FAM118A: variants seen among roughly 807,000 people sequenced by gnomAD.
The protein encoded by FAM118A is protein FAM118A.
Under a neutral mutation model 38.2 loss-of-function variants are expected in FAM118A, and 25 were observed. The observed-to-expected ratio is 0.65, with a 90% CI of 0.48 to 0.91. The LOEUF (loss-of-function observed/expected upper bound fraction) is 0.91, where lower values mean the gene tolerates loss of function less well. Ranked by LOEUF, FAM118A falls within the 40% of genes least tolerant of loss-of-function variation. The pLI is 0.00. For missense variants in FAM118A, 425 were observed against 463.3 expected (o/e 0.92, Z 0.76); for synonymous variants, 178 against 184.1 (o/e 0.97, Z 0.27).
chr22:45,323,840 C>G (rs746014038), intron 3 of FAM118A, among the ~76,000 whole-genome samples: 3 of 152,200 alleles, frequency 2.0e-5, no homozygotes, highest in Non-Finnish European at 2.9e-5. Context: ...GTTCCAGCTT[C>G]TTTGTCTGCT....
At chr22:45,308,979 G>A (rs1009341866), upstream of FAM118A, 1 of 152,290 alleles carries the variant, frequency 6.6e-6, no homozygotes, top group Non-Finnish European at 1.5e-5. Flanking sequence ...GTCTTGTTTA[G>A]GTAAAAGACT....
At chr22:45,329,695 C>T (rs1445446243) in intron 4 of FAM118A, 2 of 152,394 alleles carry the variant, frequency 1.3e-5, no homozygotes, top group Non-Finnish European at 2.9e-5. Flanking sequence ...GCCAAGGCAC[C>T]CACTCCTGCC....
chr22:45,329,924 T>C (rs900384398), intron 4 of FAM118A: 1 of 152,276 alleles, frequency 6.6e-6, no homozygotes, highest in African/African-American at 2.4e-5. Context: ...CCGATGGGCA[T>C]CTTTGTAAGG....
intron 1 of FAM118A, among the ~76,000 whole-genome samples, chr22:45,318,001 C>A (rs2084682821): frequency 6.6e-6 from 1 of 152,196 alleles, no homozygotes; most frequent in African/African-American, 2.4e-5. Flanking sequence ...CCATTAACAT[C>A]CTACCACGGT....
chr22:45,327,734 C>T, intron 3 of FAM118A, 108 bp from the exon 4 acceptor site: 1 of 1,148,600 alleles, frequency 8.7e-7, no homozygotes, highest in Non-Finnish European at 1.3e-6. Flanking sequence ...GCCAGATTTT[C>T]TTTGTTTTCA....
At chr22:45,340,168 C>G (rs529668269) in intron 8 of FAM118A, among the ~76,000 whole-genome samples, 8 of 152,322 alleles carry the variant, frequency 5.3e-5, no homozygotes, top group Non-Finnish European at 8.8e-5. Context: ...CAGATCGTTG[C>G]AAATGTAATG....
At chr22:45,309,224 A>G (rs2084271922), upstream of FAM118A, 1 of 152,210 alleles carries the variant, frequency 6.6e-6, no homozygotes, top group Non-Finnish European at 1.5e-5. Flanking sequence ...CTCGGGGAAG[A>G]GTATTTCTTG....
chr22:45,328,610 G>T, intron 4 of FAM118A: 1 of 602,268 alleles, frequency 1.7e-6, no homozygotes, highest in Non-Finnish European at 3.0e-6. Flanking sequence ...CAGCCTGGGT[G>T]ACAGAGTAAG....
At chr22:45,335,039 A>G in intron 6 of FAM118A, 1 of 394,942 alleles carries the variant, frequency 2.5e-6, no homozygotes, top group South Asian at 5.9e-5. Flanking sequence ...CATGAAGGAC[A>G]TTTGTACTCG....
rs113273669 is a variant in FAM118A at position 45,312,923 on chromosome 22, G to C, written c.-10+2740G>C. The stretch of plus-strand genomic sequence containing the variant: ...TTATGGAGACGACTTAAGCATGTAG[G>C]CATGCTTAATTAAACCATTGGCCTT... On this transcript the variant is annotated intron_variant, in intron 1 of 8. Coordinates refer to ENST00000441876, the MANE Select transcript of FAM118A (RefSeq NM_017911.4). Among the ~76,000 whole-genome samples, 351 of 152,184 alleles carry C rather than the reference G, an allele frequency of 2.3e-3. 1 individual carries two copies. Among genetic ancestry groups the C allele is most frequent in the African/African-American group, 7.9e-3 (329 of 41,510 alleles).
intron 4 of FAM118A, among the ~76,000 whole-genome samples, chr22:45,330,161 C>T (rs1237020931): frequency 6.6e-6 from 1 of 152,194 alleles, no homozygotes; most frequent in Non-Finnish European, 1.5e-5. Context: ...GCTGTAACCT[C>T]AAGTGTTAAA....
chr22:45,339,606 G>A (rs958605877), intron 8 of FAM118A, among the ~76,000 whole-genome samples: 2 of 152,090 alleles, frequency 1.3e-5, no homozygotes, highest in African/African-American at 2.4e-5. Context: ...TGTTTCCTCC[G>A]GGGTAGGTGG....
chr22:45,321,416 T>C (rs2084871275), intron 1 of FAM118A, among the ~76,000 whole-genome samples: 1 of 152,004 alleles, frequency 6.6e-6, no homozygotes, highest in African/African-American at 2.4e-5. Context: ...ATTTTTTATT[T>C]ATTTTTTATT....
chr22:45,330,424 A>G (rs1383468494), intron 4 of FAM118A, 179 bp from the exon 5 acceptor site: 5 of 571,214 alleles, frequency 8.8e-6, no homozygotes, highest in Non-Finnish European at 1.4e-5. Context: ...GACGGGAATA[A>G]CTAGGGCTCA....
intron 8 of FAM118A, 124 bp downstream of exon 8, chr22:45,336,535 G>T (rs1389217956): frequency 2.0e-5 from 14 of 694,004 alleles, no homozygotes; most frequent in Non-Finnish European, 3.2e-5. Context: ...CATACGTTCT[G>T]TCAGGGCCAG....
intron 8 of FAM118A, among the ~76,000 whole-genome samples, chr22:45,337,156 C>A (rs928528097): frequency 7.2e-5 from 11 of 152,172 alleles, no homozygotes; most frequent in Non-Finnish European, 1.3e-4. Context: ...CTGGATGGGC[C>A]CCCACATGCG....
At chr22:45,332,171 C>T (rs1181818463) in intron 5 of FAM118A, among the ~76,000 whole-genome samples, 1 of 152,174 alleles carries the variant, frequency 6.6e-6, no homozygotes, top group Admixed American at 6.5e-5. Context: ...CGGCCAAAGA[C>T]CAGCTACCCT....
intron 7 of FAM118A, among the ~76,000 whole-genome samples, chr22:45,335,887 C>A (rs2086054189): frequency 6.6e-6 from 1 of 152,356 alleles, no homozygotes; most frequent in Admixed American, 6.5e-5. Flanking sequence ...TGTGTGTGCG[C>A]TGGGCACCAG....
At chr22:45,323,753 C>T (rs4823460) in intron 3 of FAM118A, among the ~76,000 whole-genome samples, 64,984 of 152,090 alleles carry the variant, frequency 0.43, 17,190 homozygotes, top group Non-Finnish European at 0.6. Context: ...ATCCCTTAGG[C>T]GTGTTTGGTG....
Sources: allele counts gnomAD v4.1 joint callset (sites outside exome capture counted in the v4.1 genomes callset), GRCh38; gene constraint gnomAD v4.1.1; transcripts MANE v1.5; gene names NCBI Gene and HGNC (gene_info 2026-07-23, HGNC 2026-07-21).